Variants in RBFOX1 observed in about 807,000 individuals in gnomAD.
RBFOX1 encodes RNA binding protein fox-1 homolog 1.
Under a neutral mutation model 57.7 loss-of-function variants are expected in RBFOX1, and 8 were observed. That is an observed-to-expected ratio of 0.14 (90% CI 0.08 to 0.25). RBFOX1 has a LOEUF of 0.25. Among genes scored for constraint, RBFOX1 ranks in the 10% least tolerant of loss-of-function variants. The pLI is 1.00. For missense variants in RBFOX1, 611 were observed against 548.5 expected, an observed-to-expected ratio of 1.11 and a Z score of -1.14; for synonymous variants, 326 against 222.4, an observed-to-expected ratio of 1.47 and a Z score of -4.15.
chr16:6,318,795 G>A (rs905442127), intron 2 of RBFOX1, among the ~76,000 whole-genome samples: 1 of 151,928 alleles, frequency 6.6e-6, no homozygotes, highest in Non-Finnish European at 1.5e-5. Context: ...CTAAACCAGT[G>A]AGCAGATATA....
At chr16:6,695,146 G>T (rs1396912918) in intron 3 of RBFOX1, among the ~76,000 whole-genome samples, 1 of 152,086 alleles carries the variant, frequency 6.6e-6, no homozygotes, top group Non-Finnish European at 1.5e-5. Flanking sequence ...ATGGCCGGGC[G>T]CAGTAGCTCA....
intron 4 of RBFOX1, among the ~76,000 whole-genome samples, chr16:7,272,490 T>G (rs972073577): frequency 7.9e-5 from 12 of 152,178 alleles, no homozygotes; most frequent in Admixed American, 6.5e-5. Flanking sequence ...GGCACCCGTT[T>G]CCCTAGTTTA....
At chr16:6,013,648 T>A (rs961129756) in intron 4 of RBFOX1, among the ~76,000 whole-genome samples, 4 of 152,218 alleles carry the variant, frequency 2.6e-5, no homozygotes, top group African/African-American at 9.6e-5. Flanking sequence ...GGCAAGACAC[T>A]GAATTTCCTC....
At chr16:5,993,814 C>T (rs186252270) in intron 4 of RBFOX1, among the ~76,000 whole-genome samples, 13 of 152,148 alleles carry the variant, frequency 8.5e-5, no homozygotes, top group East Asian at 3.9e-4. Flanking sequence ...CCGAATGGTT[C>T]GTTTAAGTTA....
rs116243038 is a variant in RBFOX1 at position 7,670,648 on chromosome 16, C to T, written c.930+5680C>T. 4.4e-3 allele frequency among the ~76,000 whole-genome samples: 664 copies of T among 152,196 alleles called. 3 individuals carry two copies. Among genetic ancestry groups the T allele is most frequent in the African/African-American group, 0.015 (640 of 41,524 alleles). The stretch of plus-strand genomic sequence containing the variant: ...ACAAGAATGTTATCAGGCATCGCTC[C>T]GTAAGCTTAGACTTTTAACATAAGG... On this transcript the variant is annotated intron_variant, in intron 13 of 15. Coordinates refer to ENST00000550418, the MANE Select transcript of RBFOX1 (RefSeq NM_018723.4).
intron 1 of RBFOX1, among the ~76,000 whole-genome samples, chr16:6,206,262 T>C (rs184603791): frequency 5.7e-4 from 87 of 152,198 alleles, no homozygotes; most frequent in African/African-American, 2.1e-3. Context: ...CAGGACGTTG[T>C]GTGTGCTGTT....
intron 3 of RBFOX1, among the ~76,000 whole-genome samples, chr16:5,735,843 T>C (rs1264330835): frequency 6.6e-6 from 1 of 152,076 alleles, no homozygotes; most frequent in Non-Finnish European, 1.5e-5. Flanking sequence ...ACCACTGCAC[T>C]CCAGCCTTGG....
At chr16:5,355,288 A>G (rs77473739) in intron 1 of RBFOX1, among the ~76,000 whole-genome samples, 3,868 of 152,296 alleles carry the variant, frequency 0.025, 80 homozygotes, top group South Asian at 0.098. Context: ...GGAAGGTTTC[A>G]CAACTGAACG....
intron 3 of RBFOX1, among the ~76,000 whole-genome samples, chr16:6,847,826 C>T (rs937185434): frequency 6.6e-6 from 1 of 151,928 alleles, no homozygotes; most frequent in African/African-American, 2.4e-5. Flanking sequence ...TTATTCCCAC[C>T]AAGACTTCCT....
intron 1 of RBFOX1, among the ~76,000 whole-genome samples, chr16:5,296,462 C>G (rs999648840): frequency 6.6e-6 from 1 of 152,030 alleles, no homozygotes; most frequent in East Asian, 1.9e-4. Flanking sequence ...TGTGGATGTT[C>G]TGGGCCAGAT....
chr16:6,069,120 C>G (rs767706183), intron 1 of RBFOX1, among the ~76,000 whole-genome samples: 33 of 152,090 alleles, frequency 2.2e-4, no homozygotes, highest in African/African-American at 8.0e-4. Flanking sequence ...AGGGAGAGGC[C>G]GGGCACGGCG....
At chr16:7,204,712 C>T (rs1390143637) in intron 4 of RBFOX1, among the ~76,000 whole-genome samples, 1 of 152,124 alleles carries the variant, frequency 6.6e-6, no homozygotes, top group Non-Finnish European at 1.5e-5. Flanking sequence ...TGGCATTTTT[C>T]CTTGTATTTT....
At chr16:7,001,079 C>G (rs1023460183) in intron 3 of RBFOX1, among the ~76,000 whole-genome samples, 1 of 152,154 alleles carries the variant, frequency 6.6e-6, no homozygotes, top group Non-Finnish European at 1.5e-5. Context: ...TTGCTTACCC[C>G]AAGGTAGAGT....
At chr16:6,975,256 A>G (rs2086566377) in intron 3 of RBFOX1, among the ~76,000 whole-genome samples, 2 of 122,932 alleles carry the variant, frequency 1.6e-5, no homozygotes, top group South Asian at 3.0e-4. Context: ...AGAAGAAATC[A>G]TGTCCTTTTT....
chr16:6,247,191 A>C (rs1299097231), intron 1 of RBFOX1, among the ~76,000 whole-genome samples: 1 of 152,182 alleles, frequency 6.6e-6, no homozygotes, highest in Non-Finnish European at 1.5e-5. Flanking sequence ...TGAAATTGCA[A>C]CTGTCTTGGA....
rs939429407 is a variant in RBFOX1, at chr16:7,046,010, C to G, written c.-15-6047C>G. 2.0e-5 allele frequency among the ~76,000 whole-genome samples: 3 copies of G among 152,126 alleles called. No individual in the cohort carries two copies. In the South Asian group the frequency reaches 6.2e-4, roughly 32 times the overall value. ...AATCAATGCTATCACTATTACTATA[C>G]ATTTTTAAAAACACTTGTATTTCTG... On this transcript the variant is annotated intron_variant, in intron 3 of 15. Transcript: ENST00000550418.
chr16:6,180,301 G>T (rs2097052709), intron 1 of RBFOX1, among the ~76,000 whole-genome samples: 1 of 151,846 alleles, frequency 6.6e-6, no homozygotes, highest in Non-Finnish European at 1.5e-5. Flanking sequence ...CATTCTCTTT[G>T]CTTGGTATAG....
At chr16:7,159,906 C>T (rs963426226) in intron 4 of RBFOX1, among the ~76,000 whole-genome samples, 1 of 152,208 alleles carries the variant, frequency 6.6e-6, no homozygotes, top group Non-Finnish European at 1.5e-5. Flanking sequence ...CTAATATAGG[C>T]ACCAGATGAT....
chr16:7,560,589 A>T (rs2090089011), intron 5 of RBFOX1, among the ~76,000 whole-genome samples: 2 of 151,846 alleles, frequency 1.3e-5, no homozygotes, highest in South Asian at 4.2e-4. Context: ...GTCCTGGAGC[A>T]TAATCTAATT....
Sources: gnomAD v4.1 joint callset for allele counts (sites outside exome capture counted in the v4.1 genomes callset) on GRCh38, gnomAD v4.1.1 for gene constraint, MANE v1.5 for transcripts, NCBI Gene and HGNC (gene_info 2026-07-23, HGNC 2026-07-21) for gene names.